Variants in CSGALNACT1 observed in about 807,000 individuals in gnomAD.
CSGALNACT1 encodes the protein chondroitin sulfate N-acetylgalactosaminyltransferase 1, also known as beta4GalNAcT-1.
CSGALNACT1 carries 52 observed loss-of-function variants against 51.0 expected under a neutral mutation model. The ratio of observed to expected loss-of-function variants is 1.02; its 90% confidence interval spans 0.82 to 1.29. The LOEUF (loss-of-function observed/expected upper bound fraction) is 1.29, where lower values mean the gene tolerates loss of function less well. Ranked by LOEUF, CSGALNACT1 falls within the 50% of genes most tolerant of loss-of-function variation. CSGALNACT1 has a pLI of 0.00. For missense variants in CSGALNACT1, 935 were observed against 679.2 expected (o/e 1.38, Z -4.19); for synonymous variants, 341 against 254.4 (o/e 1.34, Z -3.24).
chr8:19,627,508 T>TAC (rs1340597722), intron 1 of CSGALNACT1, among the ~76,000 whole-genome samples: 1 of 151,878 alleles, frequency 6.6e-6, no homozygotes, highest in Admixed American at 6.6e-5. Flanking sequence ...CATAAAACTA[T>TAC]ACACACACAC....
chr8:19,509,953 G>T (rs1251995208), intron 3 of CSGALNACT1, among the ~76,000 whole-genome samples: 1 of 152,120 alleles, frequency 6.6e-6, no homozygotes, highest in East Asian at 1.9e-4. Context: ...CAATCTCTTG[G>T]GGGTGGCTGT....
At chr8:19,413,365 G>A (rs576436674) in intron 8 of CSGALNACT1, among the ~76,000 whole-genome samples, 32 of 152,196 alleles carry the variant, frequency 2.1e-4, no homozygotes, top group South Asian at 4.1e-4. Context: ...CCACTTAGCC[G>A]CTACAGGCAT....
chr8:19,560,722 T>G (rs1450610780), intron 3 of CSGALNACT1, among the ~76,000 whole-genome samples: 2 of 152,264 alleles, frequency 1.3e-5, no homozygotes, highest in African/African-American at 2.4e-5. Context: ...CACTACTAAG[T>G]GCTGACAAAG....
At chr8:19,719,854 C>T (rs373011857) in intron 1 of CSGALNACT1, among the ~76,000 whole-genome samples, 6 of 151,788 alleles carry the variant, frequency 4.0e-5, no homozygotes, top group South Asian at 2.1e-4. Context: ...ACACCTCCCT[C>T]GCCTAGATCC....
At chr8:19,548,596 A>G (rs2087082331) in intron 3 of CSGALNACT1, among the ~76,000 whole-genome samples, 1 of 152,190 alleles carries the variant, frequency 6.6e-6, no homozygotes, top group East Asian at 1.9e-4. Flanking sequence ...ATATGTTAAA[A>G]TTTTACATGT....
intron 1 of CSGALNACT1, among the ~76,000 whole-genome samples, chr8:19,687,997 G>C (rs1246852285): frequency 2.6e-5 from 4 of 152,164 alleles, no homozygotes; most frequent in Admixed American, 1.3e-4. Flanking sequence ...GGTTTGCAAG[G>C]TACAATTTAC....
intron 9 of CSGALNACT1, 91 bp from the exon 9 acceptor site, chr8:19,406,160 T>C: frequency 3.5e-6 from 5 of 1,444,842 alleles, no homozygotes; most frequent in Non-Finnish European, 3.9e-6. Flanking sequence ...CATTAAGACA[T>C]GACTGGGGGG....
At chr8:19,591,960 G>A (rs1428498398) in intron 2 of CSGALNACT1, among the ~76,000 whole-genome samples, 2 of 151,948 alleles carry the variant, frequency 1.3e-5, no homozygotes, top group Non-Finnish European at 2.9e-5. Flanking sequence ...GTGATACCTT[G>A]ATAAGAACAC....
chr8:19,515,035 G>A (rs1172439366), intron 3 of CSGALNACT1, among the ~76,000 whole-genome samples: 2 of 152,078 alleles, frequency 1.3e-5, no homozygotes, highest in African/African-American at 4.8e-5. Context: ...CCTTGGGGCA[G>A]GGCTCTTGCC....
At chr8:19,711,615 A>G (rs189646632) in intron 1 of CSGALNACT1, among the ~76,000 whole-genome samples, 4 of 152,368 alleles carry the variant, frequency 2.6e-5, no homozygotes, top group African/African-American at 9.6e-5. Flanking sequence ...AATGGATCTT[A>G]GGCTATAAAA....
intron 3 of CSGALNACT1, among the ~76,000 whole-genome samples, chr8:19,539,732 A>C (rs925841141): frequency 2.6e-5 from 4 of 152,190 alleles, no homozygotes; most frequent in African/African-American, 9.7e-5. Flanking sequence ...AAAAAATGGA[A>C]ACAAGTGACA....
chr8:19,692,795 T>C (rs540631011), intron 1 of CSGALNACT1, among the ~76,000 whole-genome samples: 3 of 152,090 alleles, frequency 2.0e-5, no homozygotes, highest in Non-Finnish European at 4.4e-5. Context: ...AATAGAAATC[T>C]AAAAAAAGAG....
At chr8:19,414,524 T>C (rs1481470828) in intron 8 of CSGALNACT1, among the ~76,000 whole-genome samples, 1 of 152,174 alleles carries the variant, frequency 6.6e-6, no homozygotes, top group Non-Finnish European at 1.5e-5. Flanking sequence ...TAAAATCCCA[T>C]AGTTTCACTT....
intron 4 of CSGALNACT1, among the ~76,000 whole-genome samples, chr8:19,463,030 G>A: frequency 6.6e-6 from 1 of 152,142 alleles, no homozygotes; most frequent in Non-Finnish European, 1.5e-5. Context: ...TTGTGCCCAT[G>A]TGTACTCAAT....
intron 4 of CSGALNACT1, among the ~76,000 whole-genome samples, chr8:19,502,140 T>G (rs999308045): frequency 6.6e-6 from 1 of 152,216 alleles, no homozygotes; most frequent in African/African-American, 2.4e-5. Context: ...CATATCTGAT[T>G]GCTTCCTTTT....
At chr8:19,736,064 C>CAAA (rs1294453727) in intron 1 of CSGALNACT1, among the ~76,000 whole-genome samples, 1 of 152,064 alleles carries the variant, frequency 6.6e-6, no homozygotes, top group Non-Finnish European at 1.5e-5. Flanking sequence ...AAAAATGCTT[C>CAAA]AAAACTTACG....
At chr8:19,507,338 T>C (rs2077523356) in intron 3 of CSGALNACT1, among the ~76,000 whole-genome samples, 1 of 151,860 alleles carries the variant, frequency 6.6e-6, no homozygotes, top group South Asian at 2.1e-4. Context: ...TCCCAGGACT[T>C]TTCACATGCT....
intron 6 of CSGALNACT1, among the ~76,000 whole-genome samples, chr8:19,434,833 G>C (rs1252864139): frequency 6.7e-6 from 1 of 148,222 alleles, no homozygotes; most frequent in African/African-American, 2.5e-5. Context: ...AAAAATCCTT[G>C]TTTAAGAAAA....
At chr8:19,453,927 TAGGG>T (rs1010537341) in intron 5 of CSGALNACT1, among the ~76,000 whole-genome samples, 2 of 144,682 alleles carry the variant, frequency 1.4e-5, no homozygotes, top group Admixed American at 1.4e-4. Flanking sequence ...AGAAGGAAGG[TAGGG>T]AGGGAGGGAG....
Sources: allele counts gnomAD v4.1 joint callset (sites outside exome capture counted in the v4.1 genomes callset), GRCh38; gene constraint gnomAD v4.1.1; transcripts MANE v1.5; gene names NCBI Gene and HGNC (gene_info 2026-07-23, HGNC 2026-07-21).